The following FHOD3 variants were observed in gnomAD, a reference collection of about 807,000 sequenced individuals.
The protein encoded by FHOD3 is FH1/FH2 domain-containing protein 3.
A neutral mutation model predicts 173.0 loss-of-function variants in FHOD3; 90 were observed. The ratio of observed to expected loss-of-function variants is 0.52; its 90% confidence interval spans 0.44 to 0.62. The LOEUF is 0.62. FHOD3 is among the 20% of genes least tolerant of loss of function. The pLI is 0.00. For missense variants in FHOD3, 1,945 were observed against 2,034.7 expected, an observed-to-expected ratio of 0.96 and a Z score of 0.85; for synonymous variants, 828 against 823.0, an observed-to-expected ratio of 1.01 and a Z score of -0.10.
At chr18:36,550,083 A>T (rs941723469) in intron 5 of FHOD3, among the ~76,000 whole-genome samples, 2 of 151,752 alleles carry the variant, frequency 1.3e-5, no homozygotes, top group Non-Finnish European at 2.9e-5. Context: ...ATCTTTTATT[A>T]GCGAAAACTT....
intron 13 of FHOD3, among the ~76,000 whole-genome samples, chr18:36,655,053 CTTTTTTTT>C (rs56831321): frequency 1.6e-5 from 2 of 125,058 alleles, no homozygotes; most frequent in Non-Finnish European, 3.3e-5. Context: ...TTTTTTCCTT[CTTTTTTTT>C]TTTTTTTTTT....
chr18:36,691,575 A>G (rs946948526), intron 16 of FHOD3, among the ~76,000 whole-genome samples: 13 of 128,624 alleles, frequency 1.0e-4, no homozygotes, highest in African/African-American at 3.4e-4. Flanking sequence ...TAAGGCCACA[A>G]ACACATTCCT....
chr18:36,681,160 C>G (rs1398934214), intron 14 of FHOD3, among the ~76,000 whole-genome samples: 1 of 152,136 alleles, frequency 6.6e-6, no homozygotes. Flanking sequence ...TTCTATAACT[C>G]CCATTCTTGA....
chr18:36,694,996 T>C lies in FHOD3; in HGVS notation c.2236+1573T>C, dbSNP rs998651958. ...ACGTGGGTGTGTGTGTGTGTGTGTGTGCGTGTGTGTGTGTAGTATGCATTT... is the reference window on the plus strand; with the variant it reads ...ACGTGGGTGTGTGTGTGTGTGTGTGCGCGTGTGTGTGTGTAGTATGCATTT... On this transcript the variant is annotated intron_variant, in intron 17 of 28. Coordinates refer to ENST00000590592, the MANE Select transcript of FHOD3 (RefSeq NM_001281740.3). Among the ~76,000 whole-genome samples, 549 of 151,760 alleles carry C rather than the reference T, an allele frequency of 3.6e-3. 4 individuals are homozygous for C. The highest frequency in any genetic ancestry group is 0.013 in the African/African-American group (525 of 41,386).
At chr18:36,576,843 C>T (rs900632151) in intron 6 of FHOD3, among the ~76,000 whole-genome samples, 7 of 152,160 alleles carry the variant, frequency 4.6e-5, no homozygotes, top group African/African-American at 1.4e-4. Context: ...TGGCTCACAC[C>T]GGTAATCCCA....
intron 3 of FHOD3, among the ~76,000 whole-genome samples, chr18:36,410,063 G>C (rs557633980): frequency 6.6e-6 from 1 of 152,260 alleles, no homozygotes; most frequent in East Asian, 1.9e-4. Context: ...TGATTCAGTG[G>C]TATTTAATAT....
chr18:36,492,289 C>T (rs1246824856), intron 3 of FHOD3, among the ~76,000 whole-genome samples: 1 of 152,188 alleles, frequency 6.6e-6, no homozygotes, highest in Non-Finnish European at 1.5e-5. Flanking sequence ...CCCAGGCTCA[C>T]AGGTTCTGCC....
intron 5 of FHOD3, among the ~76,000 whole-genome samples, chr18:36,549,509 A>G (rs1236215933): frequency 4.0e-5 from 5 of 124,060 alleles, no homozygotes; most frequent in African/African-American, 1.5e-4. Flanking sequence ...TGGACCATAC[A>G]TTTAGTGTCA....
At chr18:36,622,734 G>A (rs1263617309) in intron 9 of FHOD3, among the ~76,000 whole-genome samples, 1 of 152,162 alleles carries the variant, frequency 6.6e-6, no homozygotes, top group Non-Finnish European at 1.5e-5. Context: ...AGCCTTGGGT[G>A]AAAAGCCGTA....
chr18:36,510,053 G>A (rs1006260761), intron 4 of FHOD3, among the ~76,000 whole-genome samples: 3 of 152,176 alleles, frequency 2.0e-5, no homozygotes, highest in African/African-American at 7.2e-5. Flanking sequence ...CCGTGGGTCG[G>A]CGTCTCCATC....
intron 10 of FHOD3, among the ~76,000 whole-genome samples, chr18:36,643,204 G>A (rs2149006000): frequency 6.6e-6 from 1 of 152,146 alleles, no homozygotes; most frequent in South Asian, 2.1e-4. Context: ...AACATTATTG[G>A]ACTCTCATCC....
rs368415095 is a variant in FHOD3 at position 36,321,984 on chromosome 18, C to T, written c.165+23984C>T. ...CTATGACAATGGCCAGAGGCAGGGC[C>T]ACCTGGCTGTAGGACACTATCTCTT... On this transcript the variant is annotated intron_variant, in intron 1 of 28. Coordinates refer to ENST00000590592, the MANE Select transcript of FHOD3 (RefSeq NM_001281740.3). 2.0e-5 allele frequency among the ~76,000 whole-genome samples: 3 copies of T among 152,018 alleles called. No individual in the cohort carries two copies. In the East Asian group the frequency reaches 5.8e-4, roughly 30 times the overall value.
Position 36,747,005 on chromosome 18 carries a change from T to C in FHOD3, c.4102T>C (p.Trp1368Arg), listed in dbSNP as rs1446667169. Reference protein sequence around the residue: ...CQMERRCKASWDHLKAIAKHE... With the variant: ...CQMERRCKASRDHLKAIAKHE... ...GATGGAGAGAAGATGCAAAGCTTCA[T>C]GGGATCACCTCAAGGCAATTGCAAA... The change falls in exon 24 of 29, where the codon TGG (tryptophan) becomes CGG (arginine). Residue 1368 changes from tryptophan (W) to arginine (R), a missense_variant. Trp to Arg is a moderately radical substitution (Grantham distance 101). Coordinates refer to ENST00000590592, the MANE Select transcript of FHOD3 (RefSeq NM_001281740.3). 1.2e-6 allele frequency: 2 copies of C among 1,613,348 alleles called. No homozygotes were observed. The highest frequency in any genetic ancestry group is 1.3e-5 in the African/African-American group (1 of 74,902).
chr18:36,523,375 A>G (rs1336626776), intron 5 of FHOD3, among the ~76,000 whole-genome samples: 1 of 152,254 alleles, frequency 6.6e-6, no homozygotes, highest in East Asian at 1.9e-4. Context: ...ACAAACTCCA[A>G]GAACAGAGTT....
At chr18:36,446,005 G>A (rs1321359455) in intron 3 of FHOD3, among the ~76,000 whole-genome samples, 3 of 152,206 alleles carry the variant, frequency 2.0e-5, no homozygotes, top group Non-Finnish European at 2.9e-5. Flanking sequence ...CCAGGTCTCC[G>A]TTGATGAATG....
chr18:36,509,134 T>A (rs1282527134), intron 4 of FHOD3, among the ~76,000 whole-genome samples: 1 of 152,200 alleles, frequency 6.6e-6, no homozygotes, highest in East Asian at 1.9e-4. Context: ...ATGACCCGGT[T>A]TCTTCAACAC....
chr18:36,424,915 C>T (rs1456029976), intron 3 of FHOD3, among the ~76,000 whole-genome samples: 1 of 152,134 alleles, frequency 6.6e-6, no homozygotes, highest in African/African-American at 2.4e-5. Context: ...GTTATCACAT[C>T]GGAGCCATTG....
chr18:36,406,002 G>T (rs949651605), intron 3 of FHOD3, among the ~76,000 whole-genome samples: 2 of 152,182 alleles, frequency 1.3e-5, no homozygotes, highest in Admixed American at 6.5e-5. Flanking sequence ...TAATGGTGAG[G>T]TGTCAAATTC....
At chr18:36,454,768 C>G (rs878913) in intron 3 of FHOD3, among the ~76,000 whole-genome samples, 19,796 of 151,850 alleles carry the variant, frequency 0.13, 1,747 homozygotes, top group East Asian at 0.29. Flanking sequence ...GATCCTGGCT[C>G]TTCGGCATGG....
Sources: allele counts gnomAD v4.1 joint callset (sites outside exome capture counted in the v4.1 genomes callset), GRCh38; gene constraint gnomAD v4.1.1; transcripts MANE v1.5; gene names NCBI Gene and HGNC (gene_info 2026-07-23, HGNC 2026-07-21).